The following GALNT15 variants were observed in gnomAD, a reference collection of about 807,000 sequenced individuals.
GALNT15 encodes the protein UDP-GalNAc transferase T15.
In GALNT15, 67 loss-of-function variants were observed where a neutral mutation model predicts 66.8. That is an observed-to-expected ratio of 1.00 (90% CI 0.82 to 1.23). The LOEUF (loss-of-function observed/expected upper bound fraction) is 1.23, where lower values mean the gene tolerates loss of function less well. Ranked by LOEUF, GALNT15 falls within the 50% of genes most tolerant of loss-of-function variation. The pLI is 0.00. For synonymous variants in GALNT15, 313 were observed against 311.5 expected (o/e 1.00, Z -0.05); for missense variants, 827 against 804.3 (o/e 1.03, Z -0.34).
At chr3:16,213,452 C>CAA (rs3055462) in intron 6 of GALNT15, among the ~76,000 whole-genome samples, 20,780 of 63,812 alleles carry the variant, frequency 0.33, 4,680 homozygotes, top group South Asian at 0.5. Flanking sequence ...AACTCCATCT[C>CAA]AAAAAAAAAA....
chr3:16,191,252 C>A lies in GALNT15; in HGVS notation c.540-4508C>A. On this transcript the variant is annotated intron_variant, in intron 1 of 9. Coordinates refer to ENST00000339732, the MANE Select transcript of GALNT15 (RefSeq NM_054110.5). This position sits in a 1 kb window ranked among gnomAD's most constrained non-coding sequence, Gnocchi z 5.2. ...TTATTTTTCTGCCTCCTTCTTCCTC[C>A]TGCTGCGGGAAGGAGCCCCCAAAGA... 1.3e-6 allele frequency: 1 copy of A among 781,960 alleles called. No individual in the cohort carries two copies. The highest frequency in any genetic ancestry group is 1.6e-6 in the Non-Finnish European group (1 of 644,416). The allele number at this position is 781,960 out of a possible 1,614,324, so 48.4% of individuals were successfully genotyped here.
chr3:16,206,187 C>G (rs2063754650), intron 3 of GALNT15, among the ~76,000 whole-genome samples: 1 of 151,752 alleles, frequency 6.6e-6, no homozygotes, highest in Admixed American at 6.6e-5. Context: ...AGACTAGCCT[C>G]AACAACATGG....
intron 3 of GALNT15, among the ~76,000 whole-genome samples, chr3:16,201,239 C>T (rs555431332): frequency 2.2e-4 from 34 of 152,024 alleles, no homozygotes; most frequent in East Asian, 2.1e-3. Flanking sequence ...TGGAGTGCAG[C>T]GGGGCGATCT....
rs1422523968 is a variant in GALNT15, at chr3:16,193,942, AC to A, written c.540-1815del. Among the ~76,000 whole-genome samples the A allele has an allele frequency of 6.6e-6, 1 of 152,080 alleles. No homozygotes were observed. The highest frequency in any genetic ancestry group is 2.4e-5 in the African/African-American group (1 of 41,396). On this transcript the variant is annotated intron_variant, in intron 1 of 9. Transcript: ENST00000339732. The surrounding 1 kb of genome is among the most constrained non-coding windows in gnomAD (Gnocchi z 4.7). ...GTATCAGGTTGTTATAATTCACTCC[AC>A]CCTGGACCCACTGATTCTCAACAGA... is the stretch of plus-strand genomic sequence containing the variant.
chr3:16,175,196 G>A lies in GALNT15; in HGVS notation c.45G>A (p.Gln15=). Reference sequence around the variant, plus strand: ...ACAGGCACAGACCATGCAGACTCCAGTTCCTCCTGCTGCTCCTGATGCTGG... The same window carrying A: ...ACAGGCACAGACCATGCAGACTCCAATTCCTCCTGCTGCTCCTGATGCTGG... ...KRYRHRPCRL[Q]FLLLLLMLGC... Residue 15 remains glutamine (Q), a synonymous_variant, in exon 1 of 10, where the codon CAG becomes CAA. Transcript: ENST00000339732. The surrounding 1 kb of genome is among the most constrained non-coding windows in gnomAD (Gnocchi z 5.6). 1 of 1,614,194 alleles carries A rather than the reference G, an allele frequency of 6.2e-7. No individual in the cohort carries two copies. The highest frequency in any genetic ancestry group is 8.5e-7 in the Non-Finnish European group (1 of 1,180,032).
At chr3:16,231,644 C>T, downstream of GALNT15, 1 of 620,684 alleles carries the variant, frequency 1.6e-6, no homozygotes, top group South Asian at 1.9e-5. This position sits in a 1 kb window ranked among gnomAD's most constrained non-coding sequence, Gnocchi z 4.1. Flanking sequence ...TCCAAAGAGA[C>T]CAGATTAATG....
At chr3:16,197,898 G>A (rs1261462751) in intron 2 of GALNT15, among the ~76,000 whole-genome samples, 2 of 144,530 alleles carry the variant, frequency 1.4e-5, no homozygotes, top group Non-Finnish European at 3.1e-5. Context: ...AACAACCATC[G>A]CAGTCTGGAA....
chr3:16,229,570 G>C lies in GALNT15; in HGVS notation c.*2070G>C. On this transcript the variant is annotated 3_prime_UTR_variant, in exon 10 of 10. Transcript: ENST00000339732. ...TAAAACAAATTTCCCTAAATCCTGA[G>C]ACTGAGACGGAGCTACAAATTCTCA... 3 of 985,338 alleles carry C rather than the reference G, an allele frequency of 3.0e-6. No individual in the cohort carries two copies. Among genetic ancestry groups the C allele is most frequent in the Non-Finnish European group, 3.6e-6 (3 of 829,872 alleles). The allele number at this position is 985,338 out of a possible 1,614,324, so 61.0% of individuals were successfully genotyped here.
chr3:16,207,752 T>A (rs1469788673), intron 3 of GALNT15, among the ~76,000 whole-genome samples: 1 of 151,986 alleles, frequency 6.6e-6, no homozygotes, highest in Non-Finnish European at 1.5e-5. Flanking sequence ...GTCCATAAAC[T>A]CTCTGACATC....
rs1270016573 is a variant in GALNT15, at chr3:16,184,369, C to G, written c.539+8679C>G. Among the ~76,000 whole-genome samples, 1 of 152,240 alleles carries G rather than the reference C, an allele frequency of 6.6e-6. No individual in the cohort carries two copies. Among genetic ancestry groups the G allele is most frequent in the East Asian group, 1.9e-4 (1 of 5,202 alleles). ...CAAGAGCCTTTGCCATGCTCTGCCT[C>G]ATTGGTTGGCTCAGCAATGCTATGA... On this transcript the variant is annotated intron_variant, in intron 1 of 9. Coordinates refer to ENST00000339732, the MANE Select transcript of GALNT15 (RefSeq NM_054110.5). This position sits in a 1 kb window ranked among gnomAD's most constrained non-coding sequence, Gnocchi z 5.0.
the GALNT15 span, among the ~76,000 whole-genome samples, chr3:16,242,524 G>A: frequency 3.9e-5 from 6 of 152,118 alleles, no homozygotes; most frequent in Non-Finnish European, 7.3e-5. The surrounding 1 kb of genome is among the most constrained non-coding windows in gnomAD (Gnocchi z 5.6). Context: ...TTAGGAGGCC[G>A]AGGCAGGCAA....
At position 16,176,803 on chromosome 3, in the gene GALNT15, T is replaced by C. The variant is rs1022355583; in HGVS notation, c.539+1113T>C. On this transcript the variant is annotated intron_variant, in intron 1 of 9. Transcript: ENST00000339732. This position sits in a 1 kb window ranked among gnomAD's most constrained non-coding sequence, Gnocchi z 5.6. Reference sequence around the variant, plus strand: ...AGCAGTTGGAAGCAGGGCCACACACTCTTCGGATCCCTGATCTAGTTCCCC... The same window carrying C: ...AGCAGTTGGAAGCAGGGCCACACACCCTTCGGATCCCTGATCTAGTTCCCC... 5.9e-5 allele frequency among the ~76,000 whole-genome samples: 9 copies of C among 152,168 alleles called. No individual in the cohort carries two copies. Among genetic ancestry groups the C allele is most frequent in the African/African-American group, 2.2e-4 (9 of 41,436 alleles).
At chr3:16,246,827 A>C in the GALNT15 span, among the ~76,000 whole-genome samples, 1 of 152,234 alleles carries the variant, frequency 6.6e-6, no homozygotes, top group Non-Finnish European at 1.5e-5. Flanking sequence ...TACAGGAATA[A>C]AATATTTTAA....
the GALNT15 span, among the ~76,000 whole-genome samples, chr3:16,241,461 A>G: frequency 6.6e-6 from 1 of 152,198 alleles, no homozygotes; most frequent in East Asian, 1.9e-4. The surrounding 1 kb of genome is among the most constrained non-coding windows in gnomAD (Gnocchi z 4.6). Context: ...GGCTGTAGCA[A>G]TTCCAGACTC....
At chr3:16,231,327 T>A (rs1006140185), downstream of GALNT15, among the ~76,000 whole-genome samples, 2 of 150,606 alleles carry the variant, frequency 1.3e-5, no homozygotes, top group African/African-American at 5.0e-5. This position sits in a 1 kb window ranked among gnomAD's most constrained non-coding sequence, Gnocchi z 4.1. Context: ...GTAAAATAAA[T>A]AATAATAGTC....
At position 16,189,362 on chromosome 3, in the gene GALNT15, C is replaced by A. The variant is rs1031319782; in HGVS notation, c.540-6398C>A. On this transcript the variant is annotated intron_variant, in intron 1 of 9. Transcript: ENST00000339732. The surrounding 1 kb of genome is among the most constrained non-coding windows in gnomAD (Gnocchi z 5.1). ...TGGCACCCACTGGTGTTGGGCAATG[C>A]ACCAGCCCTAGTGGTTGAGATGAGG... Among the ~76,000 whole-genome samples the A allele has an allele frequency of 1.3e-5, 2 of 152,202 alleles. No homozygotes were observed. The highest frequency in any genetic ancestry group is 2.4e-5 in the African/African-American group (1 of 41,454).
intron 1 of GALNT15, among the ~76,000 whole-genome samples, chr3:16,190,499 G>A (rs1254836628): frequency 4.6e-5 from 7 of 152,220 alleles, no homozygotes; most frequent in South Asian, 2.1e-4. Flanking sequence ...TTAGCCGGGC[G>A]TGGTGGCGGG....
intron 3 of GALNT15, among the ~76,000 whole-genome samples, chr3:16,206,056 A>C (rs759525982): frequency 6.6e-6 from 1 of 152,224 alleles, no homozygotes; most frequent in Non-Finnish European, 1.5e-5. Flanking sequence ...TTTTCTAATA[A>C]AAAGCAACGT....
Position 16,195,297 on chromosome 3 carries a change from G to T in GALNT15, c.540-463G>T, listed in dbSNP as rs1022179952. On this transcript the variant is annotated intron_variant, in intron 1 of 9. Transcript: ENST00000339732. The surrounding 1 kb of genome is among the most constrained non-coding windows in gnomAD (Gnocchi z 4.6). ...GTGGTCCACAGAAAACAGCAGCATC[G>T]GCATCACCTGGGAGCTTGTTAGAAA... 6.6e-6 allele frequency among the ~76,000 whole-genome samples: 1 copy of T among 152,130 alleles called. No individual in the cohort carries two copies. Among genetic ancestry groups the T allele is most frequent in the African/African-American group, 2.4e-5 (1 of 41,426 alleles).
Sources: allele counts gnomAD v4.1 joint callset (sites outside exome capture counted in the v4.1 genomes callset), GRCh38; gene constraint gnomAD v4.1.1; non-coding constraint Gnocchi (gnomAD v3.1); transcripts MANE v1.5; gene names NCBI Gene and HGNC (gene_info 2026-07-23, HGNC 2026-07-21).